Variants in UTRN observed in about 807,000 individuals in gnomAD.
The protein encoded by UTRN is utrophin, also known as dystrophin-related protein 1.
UTRN carries 283 observed loss-of-function variants against 463.9 expected under a neutral mutation model. The ratio of observed to expected loss-of-function variants is 0.61; its 90% CI spans 0.55 to 0.67. The LOEUF (loss-of-function observed/expected upper bound fraction) is 0.67. Among genes scored for constraint, UTRN ranks in the 30% least tolerant of loss-of-function variants. The pLI is 0.00. For missense variants in UTRN, 3,922 were observed against 4,084.3 expected, an observed-to-expected ratio of 0.96 and a Z score of 1.08; for synonymous variants, 1,442 against 1,431.5, an observed-to-expected ratio of 1.01 and a Z score of -0.17.
intron 52 of UTRN, among the ~76,000 whole-genome samples, chr6:144,696,756 G>C (rs576529179): frequency 6.6e-6 from 1 of 152,284 alleles, no homozygotes; most frequent in South Asian, 2.1e-4. Context: ...ATATCTGCCA[G>C]AGTGGGTGCT....
rs1169516459 is a variant in UTRN at position 144,704,303 on chromosome 6, T to C, written c.7809+4060T>C. On this transcript the variant is annotated intron_variant, in intron 53 of 74. Transcript: ENST00000367545. ...ACCCTATCTTTTTCTTTAGCTGCCT[T>C]CCAAAAATGGACAATAAAGAAATGA... 2.0e-5 allele frequency among the ~76,000 whole-genome samples: 3 copies of C among 152,306 alleles called. No homozygotes were observed. The East Asian group carries it at 5.8e-4, about 29-fold the overall frequency.
rs766749137 is a variant in UTRN at position 144,754,794 on chromosome 6, C to T, written c.8430C>T (p.Leu2810=). 1.2e-5 allele frequency: 19 copies of T among 1,613,276 alleles called. No individual in the cohort carries two copies. In the African/African-American group the frequency reaches 2.1e-4, roughly 18 times the overall value. Residue 2810 remains leucine (L), a synonymous_variant, in exon 57 of 75, where the codon CTC becomes CTT. Coordinates refer to ENST00000367545, the MANE Select transcript of UTRN (RefSeq NM_007124.3). ...TTGGACCATCCTCTCAGCATTTTCTCTCTAGTAAGTACTAATAAACTGGAC... is the reference window on the plus strand; with the variant it reads ...TTGGACCATCCTCTCAGCATTTTCTTTCTAGTAAGTACTAATAAACTGGAC... The part of the protein sequence containing the change: ...RDFGPSSQHF[L]STSVQLPWQR...
chr6:144,487,820 A>T (rs762575805), intron 29 of UTRN, 123 bp downstream of exon 29: 5 of 903,862 alleles, frequency 5.5e-6, no homozygotes, highest in Non-Finnish European at 8.0e-6. Context: ...TTGGTAACCA[A>T]TGCTAACAGG....
rs1172253067 is a variant in UTRN at position 144,691,978 on chromosome 6, TTTCATCACTCAGGCA to T, written c.7653-8104_7653-8090del. 2.0e-5 allele frequency among the ~76,000 whole-genome samples: 3 copies of T among 152,170 alleles called. No homozygotes were observed. In the East Asian group the frequency reaches 5.8e-4, roughly 29 times the overall value. On this transcript the variant is annotated intron_variant, in intron 52 of 74. Transcript: ENST00000367545. ...TCATGGGGGTTTGTTGCACAGATTA[TTTCATCACTCAGGCA>T]TTCAGCCTAGTACCCTATAGTTATT...
At chr6:144,306,288 T>C (rs550185956) in intron 2 of UTRN, among the ~76,000 whole-genome samples, 1 of 152,160 alleles carries the variant, frequency 6.6e-6, no homozygotes, top group Admixed American at 6.5e-5. Flanking sequence ...ATGGATGGTG[T>C]GGGGTGTGTG....
chr6:144,807,955 C>T (rs1173269732), intron 65 of UTRN, among the ~76,000 whole-genome samples: 1 of 152,058 alleles, frequency 6.6e-6, no homozygotes, highest in Non-Finnish European at 1.5e-5. Context: ...GATCATCTAA[C>T]TTATCTTTAT....
In UTRN at chr6:144,507,192, C is replaced by T. The variant is rs545890181; in HGVS notation, c.4765-3752C>T. On this transcript the variant is annotated intron_variant, in intron 34 of 74. Transcript: ENST00000367545. Reference sequence around the variant, plus strand: ...CCTTTTTTTCAAGGTTCTTAGCTTCCTTGCATTGGGTTAGAACTTGCTCCT... The same window carrying T: ...CCTTTTTTTCAAGGTTCTTAGCTTCTTTGCATTGGGTTAGAACTTGCTCCT... 1.7e-3 allele frequency among the ~76,000 whole-genome samples: 264 copies of T among 151,760 alleles called. 1 individual carries two copies. The highest frequency in any genetic ancestry group is 4.8e-3 in the Admixed American group (73 of 15,246).
intron 23 of UTRN, among the ~76,000 whole-genome samples, chr6:144,469,385 A>C (rs551705943): frequency 1.3e-5 from 2 of 152,188 alleles, no homozygotes; most frequent in Non-Finnish European, 2.9e-5. Flanking sequence ...GCATTCTTCT[A>C]TGTGGGAGTC....
At chr6:144,347,662 C>G (rs1777700242) in intron 2 of UTRN, among the ~76,000 whole-genome samples, 1 of 152,022 alleles carries the variant, frequency 6.6e-6, no homozygotes, top group South Asian at 2.1e-4. Flanking sequence ...GAATGCTGAA[C>G]AGACCTCTCA....
At chr6:144,812,909 T>C (rs1280640242) in intron 65 of UTRN, among the ~76,000 whole-genome samples, 1 of 152,154 alleles carries the variant, frequency 6.6e-6, no homozygotes, top group African/African-American at 2.4e-5. Flanking sequence ...TTTCATTGTT[T>C]TACGGCTACT....
chr6:144,447,501 A>G, intron 15 of UTRN, 101 bp from the exon 16 acceptor site: 2 of 1,420,956 alleles, frequency 1.4e-6, no homozygotes, highest in African/African-American at 2.9e-5. Flanking sequence ...CAAAGCATGT[A>G]CATTTTACTA....
intron 51 of UTRN, among the ~76,000 whole-genome samples, chr6:144,662,469 C>T (rs1328649446): frequency 6.6e-6 from 1 of 152,190 alleles, no homozygotes; most frequent in Non-Finnish European, 1.5e-5. Context: ...AGTCCCTTTA[C>T]CCTCAATTCT....
intron 51 of UTRN, among the ~76,000 whole-genome samples, chr6:144,582,562 C>G (rs1802067501): frequency 6.6e-6 from 1 of 152,056 alleles, no homozygotes; most frequent in Non-Finnish European, 1.5e-5. Context: ...ATTAAAACAG[C>G]TTTATGGCAA....
intron 51 of UTRN, among the ~76,000 whole-genome samples, chr6:144,592,662 C>T (rs759865496): frequency 1.3e-5 from 2 of 152,182 alleles, no homozygotes; most frequent in Non-Finnish European, 2.9e-5. Context: ...AGCCACCGTG[C>T]CCAGCCAATG....
intron 52 of UTRN, among the ~76,000 whole-genome samples, chr6:144,691,676 C>T (rs1783430696): frequency 6.6e-6 from 1 of 152,078 alleles, no homozygotes; most frequent in African/African-American, 2.4e-5. Flanking sequence ...TCTGACATTC[C>T]AATGTCCATA....
intron 51 of UTRN, among the ~76,000 whole-genome samples, chr6:144,589,999 T>C (rs940098749): frequency 6.6e-6 from 1 of 151,844 alleles, no homozygotes; most frequent in South Asian, 2.1e-4. Flanking sequence ...TCACAGCTAC[T>C]GTGCATGCCA....
At position 144,659,095 on chromosome 6, in the gene UTRN, A is replaced by C. The variant is rs549054737; in HGVS notation, c.7480-19311A>C. ...AACACCTTTTTGAAAAATAAAATTA[A>C]TCAACGCGTATTTCCTTTTGTGATT... On this transcript the variant is annotated intron_variant, in intron 51 of 74. Transcript: ENST00000367545. 8.5e-5 allele frequency among the ~76,000 whole-genome samples: 13 copies of C among 152,318 alleles called. No homozygotes were observed. In the South Asian group the frequency reaches 2.7e-3, roughly 32 times the overall value.
At chr6:144,766,528 T>A (rs117879001) in intron 58 of UTRN, among the ~76,000 whole-genome samples, 3,555 of 152,258 alleles carry the variant, frequency 0.023, 64 homozygotes, top group Non-Finnish European at 0.036. Flanking sequence ...ATACACTGTA[T>A]AACTTACTTA....
rs1645040292 is a variant in UTRN at position 144,379,717 on chromosome 6, A to G, written c.80-23406A>G. 4.6e-5 allele frequency among the ~76,000 whole-genome samples: 7 copies of G among 152,242 alleles called. 1 individual carries two copies. The highest frequency in any genetic ancestry group is 2.6e-4 in the Admixed American group (4 of 15,294). ...CCCCGCTTGAATAGACAGCCACCAAATAATTTCTGAATGTATTTTAAAACC... is the reference window on the plus strand; with the variant it reads ...CCCCGCTTGAATAGACAGCCACCAAGTAATTTCTGAATGTATTTTAAAACC... On this transcript the variant is annotated intron_variant, in intron 2 of 74. Coordinates refer to ENST00000367545, the MANE Select transcript of UTRN (RefSeq NM_007124.3).
Sources: gnomAD v4.1 joint callset for allele counts (sites outside exome capture counted in the v4.1 genomes callset) on GRCh38, gnomAD v4.1.1 for gene constraint, MANE v1.5 for transcripts, NCBI Gene and HGNC (gene_info 2026-07-23, HGNC 2026-07-21) for gene names.